COL6A3: variants seen among roughly 807,000 people sequenced by gnomAD.
COL6A3 encodes collagen alpha-3(VI) chain.
Under a neutral mutation model 274.1 loss-of-function variants are expected in COL6A3, and 137 were observed. That is an observed-to-expected ratio of 0.50 (90% CI 0.44 to 0.58). The LOEUF (loss-of-function observed/expected upper bound fraction) is 0.58. Ranked by LOEUF, COL6A3 falls within the 20% of genes least tolerant of loss-of-function variation. The pLI, the probability that COL6A3 is intolerant of heterozygous loss-of-function variation, is 0.00. For synonymous variants in COL6A3, 1,650 were observed against 1,650.6 expected (o/e 1.00, Z 0.01); for missense variants, 3,950 against 4,124.9 (o/e 0.96, Z 1.16).
intron 23 of COL6A3, chr2:237,356,934 C>A: frequency 3.8e-6 from 1 of 262,808 alleles, no homozygotes; most frequent in Non-Finnish European, 7.2e-6. Flanking sequence ...CTTACAGCAT[C>A]CCCCCAAAAA....
rs749801493 is a variant in COL6A3, at chr2:237,346,490, G to A, written c.7092+13C>T. 3.7e-6 allele frequency: 6 copies of A among 1,613,560 alleles called. No homozygotes were observed. The South Asian group carries it at 5.5e-5, about 15-fold the overall frequency. On this transcript the variant is annotated intron_variant, in intron 32 of 43. Transcript: ENST00000295550. ...GCCCCAGGTGGCCGGGTCAGAACTGGATAAATACTTACAGCTGGTCCTGGG... is the reference window on the plus strand; with the variant it reads ...GCCCCAGGTGGCCGGGTCAGAACTGAATAAATACTTACAGCTGGTCCTGGG...
intron 4 of COL6A3, among the ~76,000 whole-genome samples, chr2:237,381,815 T>C (rs866302110): frequency 3.3e-5 from 5 of 152,332 alleles, no homozygotes; most frequent in African/African-American, 1.2e-4. Flanking sequence ...AGTTCTCTTC[T>C]GCCGTAAATA....
chr2:237,370,339 A>G (rs2077656413), intron 9 of COL6A3, among the ~76,000 whole-genome samples: 3 of 151,670 alleles, frequency 2.0e-5, no homozygotes, highest in Admixed American at 1.3e-4. Context: ...CCCAGGTTCA[A>G]GTGATTCATC....
Position 237,369,141 on chromosome 2 carries a change from A to G in COL6A3, c.4322T>C (p.Ile1441Thr), listed in dbSNP as rs1467904710. ...ESDAADIVFL[I>T]DSSEGVRPDG... is the part of the protein sequence containing the mutation. ...TGGCCTAACTCCCTCAGAGCTGTCGATCAGAAAGACAATGTCTGCAGCATC... is the reference window on the plus strand; with the variant it reads ...TGGCCTAACTCCCTCAGAGCTGTCGGTCAGAAAGACAATGTCTGCAGCATC... The change falls in exon 10 of 44, where the codon ATC (isoleucine) becomes ACC (threonine). Residue 1441 changes from isoleucine to threonine, a missense_variant. Ile to Thr is a moderately conservative substitution (Grantham distance 89, BLOSUM62 -1). This residue lies in a region of COL6A3 where 1,934 missense variants were observed against 1,984.3 expected (regional missense o/e 0.97). Transcript: ENST00000295550. 6.2e-7 allele frequency: 1 copy of G among 1,613,654 alleles called. No homozygotes were observed. The highest frequency in any genetic ancestry group is 1.1e-5 in the South Asian group (1 of 91,082).
In COL6A3 at chr2:237,336,235, G is replaced by A. The variant is rs199936838; in HGVS notation, c.8865C>T (p.Pro2955=). The A allele has an allele frequency of 3.0e-5, 48 of 1,613,540 alleles. No homozygotes were observed. The highest frequency in any genetic ancestry group is 5.3e-5 in the African/African-American group (4 of 74,938). ...CCACTGGTTTTGCAGCAGCAGCAGC[G>A]GGGGGTCTTACAGCTGCTGGCTTTG... ...VAAKPAAVRP[P]AAAAAKPVAT... Residue 2955 remains proline, a synonymous_variant, in exon 40 of 44, where the codon CCC becomes CCT. Transcript: ENST00000295550.
chr2:237,407,264 A>C lies in COL6A3; in HGVS notation c.-31+6689T>G. 6.6e-6 allele frequency among the ~76,000 whole-genome samples: 1 copy of C among 152,172 alleles called. No homozygotes were observed. Among genetic ancestry groups the C allele is most frequent in the African/African-American group, 2.4e-5 (1 of 41,438 alleles). ...CTAGAACAATAATCTGTTTGACTCA[A>C]ACTGAATGTGTATCCTGTGATAGCA... On this transcript the variant is annotated intron_variant, in intron 1 of 43. Coordinates refer to ENST00000295550, the MANE Select transcript of COL6A3 (RefSeq NM_004369.4). The surrounding 1 kb of genome is among the most constrained non-coding windows in gnomAD (Gnocchi z 4.3).
chr2:237,338,320 T>C (rs575098538), intron 39 of COL6A3, among the ~76,000 whole-genome samples: 1 of 152,244 alleles, frequency 6.6e-6, no homozygotes, highest in South Asian at 2.1e-4. Flanking sequence ...GGAGCAGAGA[T>C]GAGCCAGCCC....
intron 42 of COL6A3, chr2:237,328,873 G>A (rs1483456773): frequency 6.6e-6 from 1 of 152,056 alleles, no homozygotes; most frequent in Non-Finnish European, 1.5e-5. Context: ...TCAGTTTAAT[G>A]GTCCCCAAAA....
At position 237,371,861 on chromosome 2, in the gene COL6A3, C is replaced by T. The variant is rs146092501; in HGVS notation, c.4156G>A (p.Glu1386Lys). The change falls in exon 9 of 44, where the codon GAA becomes AAA. Residue 1386 changes from glutamate to lysine, a missense_variant. This residue lies in a region of COL6A3 where 1,934 missense variants were observed against 1,984.3 expected (regional missense o/e 0.97). Coordinates refer to ENST00000295550, the MANE Select transcript of COL6A3 (RefSeq NM_004369.4). This position sits in a 1 kb window ranked among gnomAD's most constrained non-coding sequence, Gnocchi z 4.3. ...EELVKISLSPEYVFSVSTFRE... is the reference protein window; with the variant it reads ...EELVKISLSPKYVFSVSTFRE... ...AAGGTGCTCACCGAGAACACATATT[C>T]GGGGCTCAGCGAGATCTTCACCAGC... 8,775 of 1,613,472 alleles carry T rather than the reference C, an allele frequency of 5.4e-3. 60 individuals carry two copies. Among genetic ancestry groups the T allele is most frequent in the Non-Finnish European group, 5.2e-3 (6,092 of 1,180,000 alleles).
At chr2:237,328,219 A>G (rs1432903706) in intron 42 of COL6A3, 5 of 152,290 alleles carry the variant, frequency 3.3e-5, no homozygotes, top group Non-Finnish European at 5.9e-5. Flanking sequence ...CTGTCTGCTG[A>G]AACTTCCTTA....
At chr2:237,353,490 G>C in intron 24 of COL6A3, 87 bp from the exon 25 acceptor site, 1 of 1,199,752 alleles carries the variant, frequency 8.3e-7, no homozygotes. Context: ...CTGGGCCAGG[G>C]ACTTGGAAAG....
At chr2:237,401,163 G>C (rs948481527) in intron 1 of COL6A3, among the ~76,000 whole-genome samples, 1 of 152,144 alleles carries the variant, frequency 6.6e-6, no homozygotes, top group African/African-American at 2.4e-5. Flanking sequence ...GTGGGGAAAG[G>C]CTAGCCTCCA....
At chr2:237,331,727 A>ATT (rs774213474) in intron 42 of COL6A3, among the ~76,000 whole-genome samples, 14,839 of 135,658 alleles carry the variant, frequency 0.11, 756 homozygotes, top group Middle Eastern at 0.19. Flanking sequence ...CTTTTTTTAA[A>ATT]AAAAAAAAAA....
At chr2:237,357,740 G>A (rs779582057) in intron 22 of COL6A3, 77 bp downstream of exon 22, 6 of 1,455,042 alleles carry the variant, frequency 4.1e-6, no homozygotes, top group Non-Finnish European at 5.8e-6. Flanking sequence ...GGCCTCTGTG[G>A]CTGCTGATGA....
chr2:237,336,234 CG>C lies in COL6A3; in HGVS notation c.8865del (p.Ala2956LeufsTer45). 1.2e-6 allele frequency: 2 copies of C among 1,613,240 alleles called. No homozygotes were observed. The highest frequency in any genetic ancestry group is 8.5e-7 in the Non-Finnish European group (1 of 1,179,434). ...GCCACTGGTTTTGCAGCAGCAGCAGCGGGGGGTCTTACAGCTGCTGGCTTTG... is the reference window on the plus strand; with the variant it reads ...GCCACTGGTTTTGCAGCAGCAGCAGCGGGGGTCTTACAGCTGCTGGCTTTG... ...VAAKPAAVRP[P>X]AAAAAKPVAT... is the part of the protein sequence containing the mutation. On this transcript the variant is annotated frameshift_variant, in exon 40 of 44. Coordinates refer to ENST00000295550, the MANE Select transcript of COL6A3 (RefSeq NM_004369.4). LOFTEE classifies it high-confidence loss of function.
chr2:237,385,789 T>C (rs2078129576), intron 4 of COL6A3, among the ~76,000 whole-genome samples: 1 of 152,218 alleles, frequency 6.6e-6, no homozygotes, highest in African/African-American at 2.4e-5. Flanking sequence ...CATGTAGTCC[T>C]GTACACTGTT....
At chr2:237,352,458 C>T (rs2077227291) in intron 26 of COL6A3, 64 bp downstream of exon 26, 1 of 1,491,268 alleles carries the variant, frequency 6.7e-7, no homozygotes. Flanking sequence ...GAAACTCTCT[C>T]AGCCTGCTTG....
intron 4 of COL6A3, among the ~76,000 whole-genome samples, chr2:237,385,862 T>A (rs2106376091): frequency 6.6e-6 from 1 of 152,322 alleles, no homozygotes; most frequent in East Asian, 1.9e-4. Context: ...AGTCTCTCTA[T>A]TAGCTCATCT....
chr2:237,392,881 G>A (rs2078327326), intron 3 of COL6A3, among the ~76,000 whole-genome samples: 1 of 152,128 alleles, frequency 6.6e-6, no homozygotes, highest in African/African-American at 2.4e-5. Flanking sequence ...GGACCACACT[G>A]AGCACCATTG....
Sources: allele counts gnomAD v4.1 joint callset (sites outside exome capture counted in the v4.1 genomes callset), GRCh38; gene constraint gnomAD v4.1.1; regional missense constraint gnomAD v4.1.1; non-coding constraint Gnocchi (gnomAD v3.1); transcripts MANE v1.5; gene names NCBI Gene and HGNC (gene_info 2026-07-23, HGNC 2026-07-21).